C16orf96: variants seen among roughly 807,000 people sequenced by gnomAD.
The protein encoded by C16orf96 is chromosome 16 open reading frame 96.
C16orf96 carries 108 observed loss-of-function variants against 103.6 expected under a neutral mutation model. That is an observed-to-expected ratio of 1.04 (90% CI 0.89 to 1.22). The LOEUF is 1.22. C16orf96 is among the 50% of genes most tolerant of loss of function. The probability of loss-of-function intolerance (pLI) is 0.00; values close to 1 mark genes in which losing one functional copy is unlikely to be tolerated. For synonymous variants in C16orf96, 566 were observed against 593.5 expected (o/e 0.95, Z 0.67); for missense variants, 1,586 against 1,464.2 (o/e 1.08, Z -1.36).
upstream of C16orf96, among the ~76,000 whole-genome samples, chr16:4,552,325 T>C (rs1243377745): frequency 1.3e-5 from 2 of 151,454 alleles, no homozygotes; most frequent in Non-Finnish European, 2.9e-5. Context: ...CTACTAAAAA[T>C]ACAAAAATTA....
Position 4,593,400 on chromosome 16 carries a change from C to A in C16orf96, c.2867+84C>A. The stretch of plus-strand genomic sequence containing the variant: ...TGGGAACCCTGTTCCTGCAGAGACA[C>A]ATCCTCCAGGCCCAGGGACCTAAGA... On this transcript the variant is annotated intron_variant, in intron 12 of 15. Transcript: ENST00000444310. This position sits in a 1 kb window ranked among gnomAD's most constrained non-coding sequence, Gnocchi z 4.2. 7.8e-7 allele frequency: 1 copy of A among 1,285,334 alleles called. No homozygotes were observed. The highest frequency in any genetic ancestry group is 1.1e-6 in the Non-Finnish European group (1 of 918,490). The allele number at this position is 1,285,334 out of a possible 1,614,324, so 79.6% of individuals were successfully genotyped here. A position where few individuals can be genotyped will look rare whatever the true frequency, so the allele number is the denominator to read the frequency against.
intron 15 of C16orf96, among the ~76,000 whole-genome samples, 181 bp from the exon 16 acceptor site, chr16:4,599,919 C>A (rs181542255): frequency 2.2e-4 from 34 of 152,298 alleles, no homozygotes; most frequent in Non-Finnish European, 4.1e-4. Context: ...TCTTGGGTCA[C>A]CCACCCAGGA....
Position 4,592,330 on chromosome 16 carries a change from A to G in C16orf96, c.2737A>G (p.Ile913Val). The G allele has an allele frequency of 2.6e-6, 4 of 1,551,702 alleles. No homozygotes were observed. Among genetic ancestry groups the G allele is most frequent in the Non-Finnish European group, 3.5e-6 (4 of 1,146,988 alleles). Residue 913 changes from isoleucine (I) to valine (V), a missense_variant, in exon 11 of 16, where the codon ATC (isoleucine) becomes GTC (valine). Coordinates refer to ENST00000444310, the MANE Select transcript of C16orf96 (RefSeq NM_001145011.2). Reference sequence around the variant, plus strand: ...GAAGCTGTTCAAGCGCGTGAAGTGCATCTCCTGTGACCGGCCTGTGGAGAT... The same window carrying G: ...GAAGCTGTTCAAGCGCGTGAAGTGCGTCTCCTGTGACCGGCCTGTGGAGAT... ...RRKLFKRVKCISCDRPVEMMT... is the reference protein window; with the variant it reads ...RRKLFKRVKCVSCDRPVEMMT...
At chr16:4,557,011 C>T in intron 1 of C16orf96, 102 bp downstream of exon 1, 1 of 1,334,072 alleles carries the variant, frequency 7.5e-7, no homozygotes, top group Non-Finnish European at 9.9e-7. Context: ...GCTCTGTCAC[C>T]CAGGCTGGAG....
intron 10 of C16orf96, 113 bp from the exon 11 acceptor site, chr16:4,592,192 C>G: frequency 7.6e-7 from 1 of 1,318,386 alleles, no homozygotes. Flanking sequence ...TGGGGCTGAG[C>G]TGGGCCGGGC....
intron 7 of C16orf96, among the ~76,000 whole-genome samples, chr16:4,585,539 G>T (rs1048203923): frequency 6.6e-6 from 1 of 152,204 alleles, no homozygotes; most frequent in Non-Finnish European, 1.5e-5. Context: ...AAGCCTGCTG[G>T]GCTGGGAGGG....
At chr16:4,545,724 T>G in the C16orf96 span, among the ~76,000 whole-genome samples, 9 of 152,216 alleles carry the variant, frequency 5.9e-5, no homozygotes, top group African/African-American at 1.9e-4. Context: ...ATCTCTATTT[T>G]CCCTTGTTGT....
Position 4,575,958 on chromosome 16 carries a change from G to A in C16orf96, c.1478G>A (p.Gly493Asp), listed in dbSNP as rs1405344716. The A allele has an allele frequency of 1.3e-6, 2 of 1,550,204 alleles. No individual in the cohort carries two copies. Among genetic ancestry groups the A allele is most frequent in the Non-Finnish European group, 8.7e-7 (1 of 1,146,220 alleles). The change falls in exon 5 of 16, where the codon GGT (glycine) becomes GAT (aspartate). Residue 493 changes from glycine (G) to aspartate (D), a missense_variant. Transcript: ENST00000444310. The part of the protein sequence containing the change: ...TRKDGVPKDR[G>D]GKDVDPKDRA... ...AAGGATGGGGTCCCCAAAGATAGAG[G>A]TGGCAAGGATGTGGACCCCAAGGAT...
At chr16:4,580,600 G>A (rs1298768256) in intron 7 of C16orf96, among the ~76,000 whole-genome samples, 4 of 151,382 alleles carry the variant, frequency 2.6e-5, no homozygotes, top group Admixed American at 6.6e-5. Flanking sequence ...TAATCCCAGC[G>A]CTTTGGGAAT....
At chr16:4,581,616 G>A (rs58824429) in intron 7 of C16orf96, among the ~76,000 whole-genome samples, 2,118 of 151,604 alleles carry the variant, frequency 0.014, 56 homozygotes, top group African/African-American at 0.049. Context: ...CTGGGCGACA[G>A]AGCAAGACTC....
rs138831739 is a variant in C16orf96 at position 4,585,664 on chromosome 16, C to T, written c.2353-1375C>T. The stretch of plus-strand genomic sequence containing the variant: ...GTTCCCTGCGGTTGCTGCGGCAAAT[C>T]ACTCTTGGGGTTCTGGAGGCGGGAA... On this transcript the variant is annotated intron_variant, in intron 7 of 15. Coordinates refer to ENST00000444310, the MANE Select transcript of C16orf96 (RefSeq NM_001145011.2). 1.2e-3 allele frequency among the ~76,000 whole-genome samples: 189 copies of T among 152,206 alleles called. 1 individual carries two copies. Among genetic ancestry groups the T allele is most frequent in the African/African-American group, 4.4e-3 (181 of 41,530 alleles).
Position 4,578,181 on chromosome 16 carries a change from G to C in C16orf96, c.2156-759G>C, listed in dbSNP as rs752362093. On this transcript the variant is annotated intron_variant, in intron 5 of 15. Transcript: ENST00000444310. ...TTTTTTGAGATGGAGTTTCACTTTT[G>C]TCGCCGGTTGGAGTGCAATGGCGTG... 5.2e-3 allele frequency among the ~76,000 whole-genome samples: 794 copies of C among 152,164 alleles called. 5 individuals carry two copies. The highest frequency in any genetic ancestry group is 0.027 in the Middle Eastern group (8 of 294).
At chr16:4,585,596 G>T (rs1896907108) in intron 7 of C16orf96, among the ~76,000 whole-genome samples, 1 of 152,226 alleles carries the variant, frequency 6.6e-6, no homozygotes, top group Non-Finnish European at 1.5e-5. Flanking sequence ...GAACAGACGT[G>T]CCTAGGTTTG....
the C16orf96 span, among the ~76,000 whole-genome samples, chr16:4,542,561 C>T: frequency 6.6e-6 from 1 of 152,090 alleles, no homozygotes; most frequent in East Asian, 1.9e-4. Context: ...CTTTGGGAGG[C>T]CAAGGTGGGC....
At chr16:4,580,315 C>A (rs931429282) in intron 7 of C16orf96, among the ~76,000 whole-genome samples, 190 bp downstream of exon 7, 1 of 126,538 alleles carries the variant, frequency 7.9e-6, no homozygotes, top group Non-Finnish European at 1.7e-5. Flanking sequence ...CCACCACCCC[C>A]CCCCACCCAT....
At chr16:4,557,539 A>G (rs2059279250) in intron 1 of C16orf96, among the ~76,000 whole-genome samples, 1 of 152,178 alleles carries the variant, frequency 6.6e-6, no homozygotes, top group Non-Finnish European at 1.5e-5. Flanking sequence ...CTTTGTGGAT[A>G]TAGGGTTTCC....
At chr16:4,584,354 A>ATTTTTTTTTTTTTTTTTTT (rs71139648) in intron 7 of C16orf96, among the ~76,000 whole-genome samples, 2 of 92,720 alleles carry the variant, frequency 2.2e-5, no homozygotes, top group African/African-American at 4.3e-5. Context: ...TGCCTGGCTA[A>ATTTTTTTTTTTTTTTTTTT]TTTTTTTTTT....
Position 4,593,161 on chromosome 16 carries a change from AC to A in C16orf96, c.2775-62del. The A allele has an allele frequency of 6.9e-7, 1 of 1,458,534 alleles. No individual in the cohort carries two copies. Among genetic ancestry groups the A allele is most frequent in the African/African-American group, 1.4e-5 (1 of 71,086 alleles). 90.3% of individuals were successfully genotyped at this position (1,458,534 alleles called of 1,614,324 possible). A position where few individuals can be genotyped will look rare whatever the true frequency, so the allele number is the denominator to read the frequency against. On this transcript the variant is annotated intron_variant, in intron 11 of 15. Coordinates refer to ENST00000444310, the MANE Select transcript of C16orf96 (RefSeq NM_001145011.2). This position sits in a 1 kb window ranked among gnomAD's most constrained non-coding sequence, Gnocchi z 4.2. ...GGAAGGCTTCCTGGAGGGGTGGGAG[AC>A]GAGCCCTCTGCTGGCCTAGCACGCC...
intron 14 of C16orf96, among the ~76,000 whole-genome samples, chr16:4,597,701 C>T (rs1251576755): frequency 1.3e-5 from 2 of 152,004 alleles, no homozygotes; most frequent in African/African-American, 2.4e-5. Context: ...GAACTACAGG[C>T]GTGCGCCACC....
Sources: allele counts gnomAD v4.1 joint callset (sites outside exome capture counted in the v4.1 genomes callset), GRCh38; gene constraint gnomAD v4.1.1; non-coding constraint Gnocchi (gnomAD v3.1); transcripts MANE v1.5; gene names NCBI Gene and HGNC (gene_info 2026-07-23, HGNC 2026-07-21).